TMCC1: variants seen among roughly 807,000 people sequenced by gnomAD.
The protein encoded by TMCC1 is transmembrane and coiled-coil domains protein 1.
TMCC1 carries 15 observed loss-of-function variants against 52.4 expected under a neutral mutation model. That is an observed-to-expected ratio of 0.29 (90% CI 0.19 to 0.44). TMCC1 has a LOEUF of 0.44. Among genes scored for constraint, TMCC1 ranks in the 20% least tolerant of loss-of-function variants. The pLI is 1.00. For missense variants in TMCC1, 503 were observed against 806.0 expected, an observed-to-expected ratio of 0.62 and a Z score of 4.55; for synonymous variants, 279 against 301.9, an observed-to-expected ratio of 0.92 and a Z score of 0.79.
At position 129,685,403 on chromosome 3, in the gene TMCC1, T is replaced by TA. The variant is rs78181807; in HGVS notation, c.577-14140dup. On this transcript the variant is annotated intron_variant, in intron 4 of 6. Transcript: ENST00000393238. ...CTAAAAGAAACTTAAAAATTAAATT[T>TA]AAAAAAAAAAAAAAGATGAGAAGGG... 6.4e-3 allele frequency among the ~76,000 whole-genome samples: 852 copies of TA among 133,560 alleles called. 8 individuals are homozygous for TA. The highest frequency in any genetic ancestry group is 0.017 in the African/African-American group (639 of 37,144). The allele number at this position is 133,560 out of a possible 152,430, so 87.6% of individuals were successfully genotyped here. A position where few individuals can be genotyped will look rare whatever the true frequency, so the allele number is the denominator to read the frequency against.
At chr3:129,742,664 ACTC>A (rs1173487941) in intron 4 of TMCC1, among the ~76,000 whole-genome samples, 2 of 152,054 alleles carry the variant, frequency 1.3e-5, no homozygotes, top group Non-Finnish European at 2.9e-5. Flanking sequence ...TGATTAATCT[ACTC>A]CTACATGTAT....
intron 4 of TMCC1, among the ~76,000 whole-genome samples, chr3:129,762,143 T>A (rs548477133): frequency 1.3e-5 from 2 of 151,572 alleles, no homozygotes; most frequent in East Asian, 3.9e-4. Flanking sequence ...GCTCAAGAGA[T>A]CCTCCCACTT....
chr3:129,734,256 A>T (rs527943370), intron 4 of TMCC1, among the ~76,000 whole-genome samples: 7 of 152,376 alleles, frequency 4.6e-5, no homozygotes, highest in African/African-American at 1.7e-4. Flanking sequence ...ACTATATGTT[A>T]TCAGTGTAAA....
At chr3:129,781,956 TAAGA>T (rs2055569898) in intron 4 of TMCC1, among the ~76,000 whole-genome samples, 1 of 152,036 alleles carries the variant, frequency 6.6e-6, no homozygotes, top group African/African-American at 2.4e-5. Context: ...ATACTGGGAA[TAAGA>T]AAGAGGCATC....
intron 4 of TMCC1, chr3:129,794,445 A>G (rs933496498): frequency 1.6e-5 from 7 of 450,886 alleles, no homozygotes; most frequent in African/African-American, 2.0e-5. Flanking sequence ...GTGGCAGAAC[A>G]TTTTGAAGAC....
rs557032032 is a variant in TMCC1 at position 129,738,213 on chromosome 3, G to C, written c.577-66949C>G. ...TTGAACCTGGGAGGCAGAGGTTGCA[G>C]TGAGCCGAGATTGTGCCATTGTACT... On this transcript the variant is annotated intron_variant, in intron 4 of 6. Transcript: ENST00000393238. Among the ~76,000 whole-genome samples, 8 of 148,214 alleles carry C rather than the reference G, an allele frequency of 5.4e-5. No homozygotes were observed. The East Asian group carries it at 1.6e-3, about 30-fold the overall frequency.
intron 4 of TMCC1, among the ~76,000 whole-genome samples, chr3:129,730,640 T>G (rs894164324): frequency 4.6e-5 from 7 of 152,234 alleles, no homozygotes; most frequent in Non-Finnish European, 8.8e-5. Context: ...CTTCTAGTTC[T>G]TTTGCCTTTC....
At chr3:129,749,973 C>G (rs537394703) in intron 4 of TMCC1, among the ~76,000 whole-genome samples, 4 of 152,278 alleles carry the variant, frequency 2.6e-5, no homozygotes, top group African/African-American at 9.6e-5. Flanking sequence ...TGTCAATTTA[C>G]ACCTTCAGCA....
At position 129,665,802 on chromosome 3, in the gene TMCC1, C is replaced by A. The variant is rs140822909; in HGVS notation, c.1511+4528G>T. The stretch of plus-strand genomic sequence containing the variant: ...AGTGACCTCTGGCAACTTTTAAAAC[C>A]CCACTGAGCTTCAATTTCCTCATCT... On this transcript the variant is annotated intron_variant, in intron 5 of 6. Coordinates refer to ENST00000393238, the MANE Select transcript of TMCC1 (RefSeq NM_001017395.5). Among the ~76,000 whole-genome samples, 959 of 152,214 alleles carry A rather than the reference C, an allele frequency of 6.3e-3. 5 individuals are homozygous for A. Among genetic ancestry groups the A allele is most frequent in the Admixed American group, 0.011 (165 of 15,270 alleles).
Position 129,858,867 on chromosome 3 carries a change from T to C in TMCC1, c.-184+21442A>G, listed in dbSNP as rs115667429. Among the ~76,000 whole-genome samples, 313 of 152,332 alleles carry C rather than the reference T, an allele frequency of 2.1e-3. 2 individuals carry two copies. The highest frequency in any genetic ancestry group is 7.3e-3 in the East Asian group (38 of 5,188). On this transcript the variant is annotated intron_variant, in intron 2 of 6. Coordinates refer to ENST00000393238, the MANE Select transcript of TMCC1 (RefSeq NM_001017395.5). The stretch of plus-strand genomic sequence containing the variant: ...AACATATTTGTTGGAAAAAACACTT[T>C]CTTATTCATAGGCATAGGTCAAATT...
chr3:129,732,508 A>C (rs557287834), intron 4 of TMCC1, among the ~76,000 whole-genome samples: 1 of 152,336 alleles, frequency 6.6e-6, no homozygotes, highest in African/African-American at 2.4e-5. Context: ...AAAAATTCAT[A>C]ATAAAATTTA....
intron 4 of TMCC1, among the ~76,000 whole-genome samples, chr3:129,708,417 C>T (rs1284238129): frequency 6.6e-6 from 1 of 152,134 alleles, no homozygotes; most frequent in Admixed American, 6.5e-5. Context: ...CTCAGATTTG[C>T]TAGTGAACCT....
At chr3:129,767,259 T>TAAA (rs574438436) in intron 4 of TMCC1, among the ~76,000 whole-genome samples, 17 of 132,622 alleles carry the variant, frequency 1.3e-4, no homozygotes, top group South Asian at 4.9e-4. Flanking sequence ...ACGCTGTCTT[T>TAAA]AAAAAAAAAA....
At chr3:129,794,346 C>T in intron 4 of TMCC1, 1 of 456,246 alleles carries the variant, frequency 2.2e-6, no homozygotes, top group Non-Finnish European at 4.4e-6. Flanking sequence ...CCTCCTGAGG[C>T]TAAAGCGCTG....
At chr3:129,860,450 A>G (rs554521458) in intron 2 of TMCC1, among the ~76,000 whole-genome samples, 5 of 152,156 alleles carry the variant, frequency 3.3e-5, no homozygotes, top group Admixed American at 6.5e-5. Context: ...TAGTACATAC[A>G]TTACTATCAA....
chr3:129,656,789 C>T (rs1050087440), intron 5 of TMCC1: 1 of 152,216 alleles, frequency 6.6e-6, no homozygotes, highest in African/African-American at 2.4e-5. Context: ...AGCAGTCCTA[C>T]TTTTGATGGA....
intron 2 of TMCC1, among the ~76,000 whole-genome samples, chr3:129,854,528 C>T (rs2060064569): frequency 6.6e-6 from 1 of 151,974 alleles, no homozygotes; most frequent in Non-Finnish European, 1.5e-5. Flanking sequence ...CTAATAAGGA[C>T]AGGCCTCTCT....
chr3:129,655,511 G>C (rs1384664555), intron 5 of TMCC1, among the ~76,000 whole-genome samples: 1 of 152,158 alleles, frequency 6.6e-6, no homozygotes, highest in Non-Finnish European at 1.5e-5. Flanking sequence ...GCAGTCACCA[G>C]TAGCTTATTC....
chr3:129,812,360 G>T (rs1019374080), intron 4 of TMCC1, among the ~76,000 whole-genome samples: 1 of 58,018 alleles, frequency 1.7e-5, no homozygotes, highest in African/African-American at 6.3e-5. Context: ...AAAAAAAAAA[G>T]CCAATGAGAA....
Sources: allele counts gnomAD v4.1 joint callset (sites outside exome capture counted in the v4.1 genomes callset), GRCh38; gene constraint gnomAD v4.1.1; transcripts MANE v1.5; gene names NCBI Gene and HGNC (gene_info 2026-07-23, HGNC 2026-07-21).